BEND2: variants seen among roughly 807,000 people sequenced by gnomAD.
BEND2 encodes BEN domain-containing protein 2.
A neutral mutation model predicts 43.8 loss-of-function variants in BEND2; 19 were observed. The ratio of observed to expected loss-of-function variants is 0.43; its 90% CI spans 0.30 to 0.64. BEND2 has a LOEUF of 0.64. BEND2 is among the 30% of genes least tolerant of loss of function. BEND2 has a pLI of 0.11. For missense variants in BEND2, 544 were observed against 574.0 expected (o/e 0.95, Z 0.53); for synonymous variants, 226 against 210.1 (o/e 1.08, Z -0.66).
chrX:18,213,911 C>A lies in BEND2; in HGVS notation c.239G>T (p.Gly80Val), dbSNP rs1456936536. The change falls in exon 3 of 14, where the codon GGG (glycine) becomes GTG (valine). Residue 80 changes from glycine (G) to valine (V), a missense_variant and splice_region_variant. Around this residue, in one of 2 missense-constraint regions of BEND2, gnomAD observed 501 missense variants for 501.6 expected, o/e 1.00. Transcript: ENST00000380033. ...GHHRPLQMSY[G>V]SGSVTQAGVQ... ...TCCAGCCTGGGTGACAGAGCCAGAC[C>A]CTGACTCAAAAATAATAAGAAGAAG... The A allele has an allele frequency of 1.8e-5, 2 of 113,843 alleles. No individual in the cohort carries two copies. The highest frequency in any genetic ancestry group is 7.0e-4 in the South Asian group (2 of 2,856). The allele number at this position is 113,843 out of a possible 1,213,427, so 9.4% of individuals were successfully genotyped here.
At chrX:18,195,228 T>C (rs1924898379) in intron 7 of BEND2, 68 bp downstream of exon 7, 2 of 1,079,764 alleles carry the variant, frequency 1.9e-6, no homozygotes. Context: ...CCACTAAGAA[T>C]TAATATTAAG....
At chrX:18,195,208 T>C (rs757922596) in intron 7 of BEND2, 88 bp downstream of exon 7, 8 of 1,006,312 alleles carry the variant, frequency 7.9e-6, no homozygotes, top group Non-Finnish European at 9.1e-6. Context: ...GTTTAATTTG[T>C]AAAAAGCTAC....
intron 4 of BEND2, among the ~76,000 whole-genome samples, chrX:18,207,306 C>T (rs1427640830): frequency 8.9e-6 from 1 of 111,925 alleles, no homozygotes. Flanking sequence ...CCTTCATTAC[C>T]TCTGGCTTAG....
At chrX:18,196,946 C>G (rs1236065886) in intron 6 of BEND2, among the ~76,000 whole-genome samples, 2 of 111,428 alleles carry the variant, frequency 1.8e-5, no homozygotes, top group East Asian at 5.7e-4. Context: ...GAAAGAAATA[C>G]AGATACACCC....
At position 18,180,628 on chromosome X, in the gene BEND2, CA is replaced by C; in HGVS notation, c.1310del (p.Leu437TrpfsTer2). 1 of 1,207,089 alleles carries C rather than the reference CA, an allele frequency of 8.3e-7. No homozygotes were observed. The highest frequency in any genetic ancestry group is 3.0e-5 in the East Asian group (1 of 33,788). ...PDFALLPLNI[L>X]VKVDTNTENS... ...TTTCCGTGTTGGTGTCTACTTTTAC[CA>C]AAATATTCAGAGGTAACAGTGCTGA... On this transcript the variant is annotated frameshift_variant, in exon 9 of 14. Transcript: ENST00000380033. LOFTEE classifies it high-confidence loss of function.
rs1230961299 is a variant in BEND2 at position 18,171,012 on chromosome X, C to T, written c.2174G>A (p.Ser725Asn). The T allele has an allele frequency of 2.5e-6, 3 of 1,208,028 alleles. No individual in the cohort carries two copies. The Admixed American group carries it at 6.5e-5, about 26-fold the overall frequency. ...TATGTGTAACAAACCTCGGAGAGCACTAATCTTATTGGGGTCAAGGGCACA... is the reference window on the plus strand; with the variant it reads ...TATGTGTAACAAACCTCGGAGAGCATTAATCTTATTGGGGTCAAGGGCACA... ...GLCALDPNKI[S>N]ALREFLQENY... Residue 725 changes from serine (S) to asparagine (N), a missense_variant, in exon 13 of 14, where the codon AGT becomes AAT. Coordinates refer to ENST00000380033, the MANE Select transcript of BEND2 (RefSeq NM_153346.5).
At chrX:18,214,563 C>G (rs1260019957) in intron 2 of BEND2, among the ~76,000 whole-genome samples, 2 of 110,541 alleles carry the variant, frequency 1.8e-5, no homozygotes, top group Non-Finnish European at 3.8e-5. Flanking sequence ...GTGGCTCATG[C>G]CTGTAATCCC....
Position 18,188,212 on chromosome X carries a change from G to C in BEND2, c.1288+2789C>G, listed in dbSNP as rs190469267. 3.2e-3 allele frequency among the ~76,000 whole-genome samples: 355 copies of C among 110,750 alleles called. 2 individuals carry two copies. The highest frequency in any genetic ancestry group is 5.8e-3 in the Non-Finnish European group (306 of 52,826). ...CAGAAGCAAAAGAATTTAAAATGAAGAAAACAATACAAAAAATGAAATGAA... is the reference window on the plus strand; with the variant it reads ...CAGAAGCAAAAGAATTTAAAATGAACAAAACAATACAAAAAATGAAATGAA... On this transcript the variant is annotated intron_variant, in intron 8 of 13. Transcript: ENST00000380033.
intron 5 of BEND2, 114 bp from the exon 6 acceptor site, chrX:18,202,054 A>G (rs1231923690): frequency 1.3e-6 from 1 of 783,923 alleles, no homozygotes; most frequent in African/African-American, 2.2e-5. Context: ...CACACAAAGG[A>G]AAACAAAAAG....
At chrX:18,209,230 C>T (rs1017077087) in intron 4 of BEND2, among the ~76,000 whole-genome samples, 1 of 111,624 alleles carries the variant, frequency 9.0e-6, no homozygotes, top group African/African-American at 3.3e-5. Context: ...GACAGCTCTC[C>T]CTTGCAAATG....
intron 6 of BEND2, among the ~76,000 whole-genome samples, chrX:18,198,291 G>A (rs1281021258): frequency 1.8e-4 from 20 of 109,527 alleles, no homozygotes; most frequent in African/African-American, 6.0e-4. Flanking sequence ...GAAAATTTTC[G>A]CAACCTACTC....
chrX:18,178,422 C>T (rs1344858159), intron 9 of BEND2, among the ~76,000 whole-genome samples: 3 of 111,424 alleles, frequency 2.7e-5, no homozygotes, highest in Admixed American at 9.6e-5. Flanking sequence ...CTGCTAGTTA[C>T]AGAACCAGTT....
At chrX:18,186,456 C>T (rs937522065) in intron 8 of BEND2, among the ~76,000 whole-genome samples, 5 of 65,394 alleles carry the variant, frequency 7.6e-5, no homozygotes, top group African/African-American at 3.4e-4. Context: ...GAAACTCCGT[C>T]GGAAAAAAAA....
chrX:18,177,517 G>T, intron 10 of BEND2, 52 bp downstream of exon 10: 2 of 1,109,314 alleles, frequency 1.8e-6, no homozygotes, highest in Middle Eastern at 2.4e-4. Flanking sequence ...TTCATTATAT[G>T]ACCAAATGAT....
intron 5 of BEND2, among the ~76,000 whole-genome samples, chrX:18,202,197 T>C (rs1004695236): frequency 8.9e-6 from 1 of 111,906 alleles, no homozygotes; most frequent in African/African-American, 3.2e-5. Flanking sequence ...AATATGCATT[T>C]AGAGAAAGTA....
At chrX:18,218,129 A>T (rs974508246) in intron 1 of BEND2, among the ~76,000 whole-genome samples, 2 of 110,053 alleles carry the variant, frequency 1.8e-5, no homozygotes, top group African/African-American at 6.6e-5. Flanking sequence ...AAGAACAAGA[A>T]GAAGAAGAAG....
chrX:18,171,070 T>G lies in BEND2; in HGVS notation c.2116A>C (p.Ser706Arg). The G allele has an allele frequency of 8.2e-7, 1 of 1,212,151 alleles. No homozygotes were observed. The highest frequency in any genetic ancestry group is 1.1e-6 in the Non-Finnish European group (1 of 895,407). The change falls in exon 13 of 14, where the codon AGT (serine) becomes CGT (arginine). Residue 706 changes from serine (S) to arginine (R), a missense_variant. This residue lies in a region of BEND2 where 501 missense variants were observed against 501.6 expected (regional missense o/e 1.00). Coordinates refer to ENST00000380033, the MANE Select transcript of BEND2 (RefSeq NM_153346.5). ...KLFTKDVLVQSNVYGNLKHGL... is the reference protein window; with the variant it reads ...KLFTKDVLVQRNVYGNLKHGL... ...TGCTTCAGATTGCCATAGACGTTAC[T>G]TTGGACCAGGACATCTTTTGTGAAG...
intron 8 of BEND2, among the ~76,000 whole-genome samples, chrX:18,181,345 T>C (rs1001492408): frequency 9.0e-6 from 1 of 111,282 alleles, no homozygotes; most frequent in Non-Finnish European, 1.9e-5. Context: ...GAGCTCATGT[T>C]GACATGAAAA....
At chrX:18,188,099 T>C (rs1436177049) in intron 8 of BEND2, among the ~76,000 whole-genome samples, 2 of 110,781 alleles carry the variant, frequency 1.8e-5, no homozygotes. Context: ...TTCAAATAAA[T>C]AACCTAATGA....
Sources: allele counts gnomAD v4.1 joint callset (sites outside exome capture counted in the v4.1 genomes callset), GRCh38; gene constraint gnomAD v4.1.1; regional missense constraint gnomAD v4.1.1; transcripts MANE v1.5; gene names NCBI Gene and HGNC (gene_info 2026-07-23, HGNC 2026-07-21).